Variants in STK33 observed in about 807,000 individuals in gnomAD.
STK33 encodes serine/threonine-protein kinase 33.
Under a neutral mutation model 58.0 loss-of-function variants are expected in STK33, and 52 were observed. That is an observed-to-expected ratio of 0.90 (90% CI 0.72 to 1.13). The LOEUF (loss-of-function observed/expected upper bound fraction) is 1.13. Among genes scored for constraint, STK33 ranks in the 50% most tolerant of loss-of-function variants. The pLI is 0.00. For synonymous variants in STK33, 215 were observed against 200.1 expected (o/e 1.07, Z -0.63); for missense variants, 630 against 604.2 (o/e 1.04, Z -0.45).
intron 1 of STK33, among the ~76,000 whole-genome samples, chr11:8,583,266 A>G (rs189638085): frequency 1.3e-5 from 2 of 152,258 alleles, no homozygotes; most frequent in East Asian, 1.9e-4. Context: ...CCTGTCCTTC[A>G]TATCATTTAA....
chr11:8,457,518 TA>T (rs1947017032), intron 8 of STK33, 39 bp from the exon 9 acceptor site: 3 of 1,496,520 alleles, frequency 2.0e-6, no homozygotes, highest in Non-Finnish European at 2.7e-6. Flanking sequence ...GAGCAAATTA[TA>T]TATCTGGGGA....
chr11:8,542,868 C>T (rs1246303860), intron 1 of STK33, among the ~76,000 whole-genome samples: 1 of 152,070 alleles, frequency 6.6e-6, no homozygotes, highest in African/African-American at 2.4e-5. Context: ...CACCACCACA[C>T]CCAGCTAATT....
At chr11:8,407,683 A>G (rs1019201078) in intron 15 of STK33, among the ~76,000 whole-genome samples, 1 of 151,144 alleles carries the variant, frequency 6.6e-6, no homozygotes, top group Admixed American at 6.6e-5. Flanking sequence ...GAATAGAAAA[A>G]AAAAGATTAA....
chr11:8,417,456 T>C (rs987379705), intron 14 of STK33, among the ~76,000 whole-genome samples: 18 of 152,278 alleles, frequency 1.2e-4, no homozygotes, highest in Admixed American at 8.5e-4. Context: ...TTTTAAGAGA[T>C]AGTGCCTATC....
At chr11:8,361,894 C>T in the STK33 span, among the ~76,000 whole-genome samples, 1 of 152,234 alleles carries the variant, frequency 6.6e-6, no homozygotes, top group East Asian at 1.9e-4. The surrounding 1 kb of genome is among the most constrained non-coding windows in gnomAD (Gnocchi z 4.8). Context: ...CCTGTGCTCA[C>T]GCGGGCCCAT....
At chr11:8,380,268 G>A in the STK33 span, among the ~76,000 whole-genome samples, 1 of 152,074 alleles carries the variant, frequency 6.6e-6, no homozygotes, top group Admixed American at 6.5e-5. Flanking sequence ...CCTTAAGAAC[G>A]GCCATTATTG....
At chr11:8,488,761 A>G (rs1391159918) in intron 1 of STK33, among the ~76,000 whole-genome samples, 3 of 152,178 alleles carry the variant, frequency 2.0e-5, no homozygotes, top group African/African-American at 7.2e-5. Flanking sequence ...TTATTTCCAG[A>G]GTTGCCACAT....
intron 15 of STK33, among the ~76,000 whole-genome samples, chr11:8,402,787 C>T (rs1938337734): frequency 6.6e-6 from 1 of 152,178 alleles, no homozygotes; most frequent in Admixed American, 6.5e-5. Flanking sequence ...AGGCAAATTC[C>T]AGCTTCCAAG....
chr11:8,435,726 T>C (rs1591035318), intron 13 of STK33, 147 bp from the exon 14 acceptor site: 2 of 466,312 alleles, frequency 4.3e-6, no homozygotes, highest in East Asian at 6.6e-5. Flanking sequence ...GCCTAATAAA[T>C]ATAGTTTAAA....
chr11:8,451,960 T>C (rs1233817068), intron 11 of STK33, among the ~76,000 whole-genome samples: 1 of 152,118 alleles, frequency 6.6e-6, no homozygotes, highest in Non-Finnish European at 1.5e-5. Flanking sequence ...ATCTCAACAC[T>C]GGGAGGCCAA....
chr11:8,395,233 TG>T (rs1422791640), intron 15 of STK33, among the ~76,000 whole-genome samples: 1 of 152,182 alleles, frequency 6.6e-6, no homozygotes, highest in Non-Finnish European at 1.5e-5. Flanking sequence ...AGGGACCCAG[TG>T]GGAGGTAATT....
At chr11:8,580,051 GT>G (rs1203482261) in intron 1 of STK33, among the ~76,000 whole-genome samples, 2 of 152,156 alleles carry the variant, frequency 1.3e-5, no homozygotes, top group African/African-American at 4.8e-5. Context: ...ATGGAGAACA[GT>G]TTGGAGGTTC....
At chr11:8,348,706 G>A in the STK33 span, among the ~76,000 whole-genome samples, 2 of 152,126 alleles carry the variant, frequency 1.3e-5, no homozygotes, top group Non-Finnish European at 2.9e-5. Flanking sequence ...AACCTTCTCT[G>A]TCTCCACTAA....
At chr11:8,510,153 C>A (rs1952193653) in intron 1 of STK33, among the ~76,000 whole-genome samples, 1 of 152,142 alleles carries the variant, frequency 6.6e-6, no homozygotes, top group South Asian at 2.1e-4. Flanking sequence ...TCACCACATC[C>A]ACACCAGCAC....
chr11:8,478,874 T>C (rs1261412386), intron 2 of STK33, among the ~76,000 whole-genome samples: 2 of 152,236 alleles, frequency 1.3e-5, no homozygotes, highest in Admixed American at 1.3e-4. Context: ...ATTGCTATAT[T>C]TTAAGGAAGA....
intron 14 of STK33, among the ~76,000 whole-genome samples, chr11:8,423,265 G>A (rs536900415): frequency 1.2e-4 from 18 of 150,122 alleles, no homozygotes; most frequent in Middle Eastern, 3.5e-3. Context: ...GTTGATTTTC[G>A]CTCTTAGTTT....
intron 1 of STK33, among the ~76,000 whole-genome samples, chr11:8,553,145 G>T (rs1393956201): frequency 8.3e-6 from 1 of 121,112 alleles, no homozygotes; most frequent in Non-Finnish European, 1.8e-5. Flanking sequence ...GTAACAGAGG[G>T]AGACTCCGTC....
At chr11:8,566,629 A>T (rs1250707326) in intron 1 of STK33, among the ~76,000 whole-genome samples, 1 of 152,212 alleles carries the variant, frequency 6.6e-6, no homozygotes, top group African/African-American at 2.4e-5. Context: ...TGTAATAGTC[A>T]TACATGCTTT....
chr11:8,456,200 T>C (rs929797730), intron 9 of STK33, among the ~76,000 whole-genome samples: 5 of 152,240 alleles, frequency 3.3e-5, no homozygotes, highest in African/African-American at 9.6e-5. Context: ...AGCATAATAT[T>C]AAGCCCTTGA....
Sources: gnomAD v4.1 joint callset for allele counts (sites outside exome capture counted in the v4.1 genomes callset) on GRCh38, gnomAD v4.1.1 for gene constraint, Gnocchi (gnomAD v3.1) non-coding constraint, MANE v1.5 for transcripts, NCBI Gene and HGNC (gene_info 2026-07-23, HGNC 2026-07-21) for gene names.